Variants in GNL2 observed in about 807,000 individuals in gnomAD.
GNL2 encodes nucleolar GTP-binding protein 2.
GNL2 carries 51 observed loss-of-function variants against 92.3 expected under a neutral mutation model. The observed-to-expected ratio is 0.55, with a 90% CI of 0.44 to 0.70. The LOEUF (loss-of-function observed/expected upper bound fraction) is 0.70. GNL2 is among the 30% of genes least tolerant of loss of function. The pLI, the probability that GNL2 is intolerant of heterozygous loss-of-function variation, is 0.00. For missense variants in GNL2, 844 were observed against 895.6 expected (o/e 0.94, Z 0.74); for synonymous variants, 283 against 300.6 (o/e 0.94, Z 0.61).
chr1:37,593,453 T>G, intron 2 of GNL2: 1 of 286,068 alleles, frequency 3.5e-6, no homozygotes. Flanking sequence ...TACAGTCCTG[T>G]AGGTTTTGTT....
At chr1:37,578,912 G>A (rs1570058294) in intron 8 of GNL2, among the ~76,000 whole-genome samples, 2 of 152,062 alleles carry the variant, frequency 1.3e-5, no homozygotes, top group African/African-American at 4.8e-5. Flanking sequence ...CATTTAAGTT[G>A]ACTCTACTTG....
rs373746356 is a variant in GNL2 at position 37,583,893 on chromosome 1, T to C, written c.610A>G (p.Lys204Glu). ...QEEIYKKGQS[K>E]RIWGELYKVI... ...TTGTAGAGCTCACCCCATATTCTTT[T>C]GGACTGTCCCTTTTTATAGATCTCT... Residue 204 changes from lysine (K) to glutamate (E), a missense_variant, in exon 6 of 16, where the codon AAA (lysine) becomes GAA (glutamate). Coordinates refer to ENST00000373062, the MANE Select transcript of GNL2 (RefSeq NM_013285.3). The C allele has an allele frequency of 1.9e-6, 3 of 1,590,314 alleles. No homozygotes were observed. The East Asian group carries it at 6.7e-5, about 36-fold the overall frequency.
Position 37,582,835 on chromosome 1 carries a change from A to C in GNL2, c.738T>G (p.Pro246=), listed in dbSNP as rs371440333. The change falls in exon 7 of 16, where the codon CCT becomes CCG. Residue 246 remains proline (P), a synonymous_variant. Transcript: ENST00000373062. ...HIETYLKKEK[P]WKHLIFVLNK... is the part of the protein sequence containing the mutation. ...TAAGTACAAAAATGAGGTGTTTCCA[A>C]GGTTTTTCCTTCTTCAGGTAAGTTT... 6.2e-7 allele frequency: 1 copy of C among 1,613,806 alleles called. No individual in the cohort carries two copies. Among genetic ancestry groups the C allele is most frequent in the Non-Finnish European group, 8.5e-7 (1 of 1,179,828 alleles).
chr1:37,581,471 G>A (rs776351740), intron 8 of GNL2: 2 of 456,088 alleles, frequency 4.4e-6, no homozygotes, highest in Non-Finnish European at 8.8e-6. Context: ...CATAGAAGCT[G>A]CATGGGCTCC....
At chr1:37,593,729 A>G in intron 2 of GNL2, 33 bp downstream of exon 2, 1 of 1,499,074 alleles carries the variant, frequency 6.7e-7, no homozygotes, top group Non-Finnish European at 9.3e-7. Context: ...GGCATGAAGG[A>G]AAAGAGAAAG....
Position 37,590,697 on chromosome 1 carries a change from A to C in GNL2, c.384+9T>G. 1 of 1,611,376 alleles carries C rather than the reference A, an allele frequency of 6.2e-7. No individual in the cohort carries two copies. Among genetic ancestry groups the C allele is most frequent in the Middle Eastern group, 1.7e-4 (1 of 6,008 alleles). On this transcript the variant is annotated intron_variant, in intron 4 of 15. Coordinates refer to ENST00000373062, the MANE Select transcript of GNL2 (RefSeq NM_013285.3). ...GAAATTCCATCACCAGGGATATCCT[A>C]CATCTTACATGAGGCCGGATTCGAT...
chr1:37,592,838 C>T, intron 2 of GNL2, 32 bp from the exon 3 acceptor site: 1 of 1,246,764 alleles, frequency 8.0e-7, no homozygotes, highest in Non-Finnish European at 1.2e-6. Flanking sequence ...TATTGGTTGA[C>T]AACAGAAAAA....
intron 9 of GNL2, chr1:37,576,089 C>A (rs1270979037): frequency 3.2e-6 from 1 of 316,802 alleles, no homozygotes; most frequent in Non-Finnish European, 5.8e-6. Flanking sequence ...ACTTTCAGAA[C>A]CTACCTTAAG....
At position 37,595,901 on chromosome 1, in the gene GNL2, G is replaced by A; in HGVS notation, c.-79C>T. On this transcript the variant is annotated 5_prime_UTR_variant, in exon 1 of 16. Coordinates refer to ENST00000373062, the MANE Select transcript of GNL2 (RefSeq NM_013285.3). ...AACTTTTATGTTCCCAAGCCCGGCC[G>A]AAGACACCCGCCTGAACCACGCCGG... 1.6e-6 allele frequency: 2 copies of A among 1,229,628 alleles called. No individual in the cohort carries two copies. Among genetic ancestry groups the A allele is most frequent in the Admixed American group, 1.8e-5 (1 of 56,968 alleles). 76.2% of individuals were successfully genotyped at this position (1,229,628 alleles called of 1,614,324 possible). A position where few individuals can be genotyped will look rare whatever the true frequency, so the allele number is the denominator to read the frequency against.
At chr1:37,591,786 C>T (rs1205069447) in intron 3 of GNL2, among the ~76,000 whole-genome samples, 2 of 152,118 alleles carry the variant, frequency 1.3e-5, no homozygotes, top group Admixed American at 6.5e-5. Context: ...GGATTACAGG[C>T]GTGAGCCACT....
intron 8 of GNL2, chr1:37,581,463 T>C (rs1299285190): frequency 4.4e-6 from 2 of 456,000 alleles, no homozygotes; most frequent in South Asian, 3.1e-5. Context: ...CCAGAGGACA[T>C]AGAAGCTGCA....
At chr1:37,571,377 T>C (rs889700932) in intron 12 of GNL2, among the ~76,000 whole-genome samples, 1 of 152,224 alleles carries the variant, frequency 6.6e-6, no homozygotes, top group African/African-American at 2.4e-5. Context: ...ATTGTTCCTA[T>C]AGGCAAGATC....
Position 37,567,711 on chromosome 1 carries a change from G to A in GNL2, c.2005C>T (p.His669Tyr), listed in dbSNP as rs763080588. The A allele has an allele frequency of 1.9e-6, 3 of 1,613,828 alleles. No homozygotes were observed. The highest frequency in any genetic ancestry group is 4.5e-5 in the East Asian group (2 of 44,884). Reference protein sequence around the residue: ...RKAQREEEQEHSNKAPRALTS... With the variant: ...RKAQREEEQEYSNKAPRALTS... Reference sequence around the variant, plus strand: ...AGCGCCCTGGGAGCTTTATTTGAATGTTCCTGTTCCTCTTCCCTTTGTGCC... The same window carrying A: ...AGCGCCCTGGGAGCTTTATTTGAATATTCCTGTTCCTCTTCCCTTTGTGCC... The change falls in exon 15 of 16, where the codon CAT (histidine) becomes TAT (tyrosine). Residue 669 changes from histidine (H) to tyrosine (Y), a missense_variant. Physicochemically the swap from His to Tyr is moderately conservative, Grantham distance 83 (BLOSUM62 2). Coordinates refer to ENST00000373062, the MANE Select transcript of GNL2 (RefSeq NM_013285.3).
In GNL2 at chr1:37,576,470, A is replaced by G. The variant is rs762059672; in HGVS notation, c.996T>C (p.Ser332=). The G allele has an allele frequency of 3.1e-6, 5 of 1,614,088 alleles. No individual in the cohort carries two copies. In the East Asian group the frequency reaches 6.7e-5, roughly 22 times the overall value. The change falls in exon 9 of 16, where the codon TCT becomes TCC. Residue 332 remains serine (S), a synonymous_variant. Transcript: ENST00000373062. ...TGGGAGCCACGTTGCAAACTTTCTT[A>G]GAACGCAATGTATTTATCACAGAGC... The part of the protein sequence containing the change: ...GKSSVINTLR[S]KKVCNVAPIA...
Position 37,595,290 on chromosome 1 carries a change from A to T in GNL2, c.64+469T>A, listed in dbSNP as rs58306195. Among the ~76,000 whole-genome samples the T allele has an allele frequency of 4.5e-3, 682 of 152,284 alleles. 4 individuals carry two copies. Among genetic ancestry groups the T allele is most frequent in the African/African-American group, 0.016 (659 of 41,558 alleles). On this transcript the variant is annotated intron_variant, in intron 1 of 15. Coordinates refer to ENST00000373062, the MANE Select transcript of GNL2 (RefSeq NM_013285.3). ...CAGCCTTACTGCAATGATCATACTGACTTCTTTGTAGGGTTCTCTAAGCAC... is the reference window on the plus strand; with the variant it reads ...CAGCCTTACTGCAATGATCATACTGTCTTCTTTGTAGGGTTCTCTAAGCAC...
chr1:37,594,846 C>A (rs1009603463), intron 1 of GNL2, among the ~76,000 whole-genome samples: 5 of 152,172 alleles, frequency 3.3e-5, no homozygotes, highest in Non-Finnish European at 1.5e-5. Context: ...TGGCCAGGAG[C>A]CCCTTAAATC....
At chr1:37,567,652 C>A in intron 15 of GNL2, 21 bp downstream of exon 15, 2 of 1,525,672 alleles carry the variant, frequency 1.3e-6, no homozygotes, top group Admixed American at 3.3e-5. Flanking sequence ...TTGGGCCATA[C>A]TTAAAACCTA....
rs1643552626 is a variant in GNL2, at chr1:37,568,984, C to T, written c.1735G>A (p.Glu579Lys). Residue 579 changes from glutamate to lysine, a missense_variant, in exon 13 of 16, where the codon GAG becomes AAG. Coordinates refer to ENST00000373062, the MANE Select transcript of GNL2 (RefSeq NM_013285.3). Reference sequence around the variant, plus strand: ...TCCTCCTCAGGCTCCGAGGAAGACTCTTCCGCATCATCTCTTTGTTGCTCC... The same window carrying T: ...TCCTCCTCAGGCTCCGAGGAAGACTTTTCCGCATCATCTCTTTGTTGCTCC... ...EQEQQRDDAE[E>K]SSSEPEEENV... 6 of 1,614,158 alleles carry T rather than the reference C, an allele frequency of 3.7e-6. 1 individual carries two copies. The East Asian group carries it at 1.3e-4, about 36-fold the overall frequency.
chr1:37,580,459 G>A (rs527743378), intron 8 of GNL2, among the ~76,000 whole-genome samples: 249 of 152,260 alleles, frequency 1.6e-3, no homozygotes, highest in African/African-American at 5.2e-3. Flanking sequence ...AACGCAAGGC[G>A]TATCTCAAAA....
Sources: gnomAD v4.1 joint callset for allele counts (sites outside exome capture counted in the v4.1 genomes callset) on GRCh38, gnomAD v4.1.1 for gene constraint, MANE v1.5 for transcripts, NCBI Gene and HGNC (gene_info 2026-07-23, HGNC 2026-07-21) for gene names.